Variants in CNTN4 observed in about 807,000 individuals in gnomAD.
The protein encoded by CNTN4 is contactin 4.
In CNTN4, 77 loss-of-function variants were observed where a neutral mutation model predicts 122.5. The observed-to-expected ratio is 0.63, with a 90% CI of 0.52 to 0.76. The LOEUF (loss-of-function observed/expected upper bound fraction) is 0.76, where lower values mean the gene tolerates loss of function less well. CNTN4 is among the 30% of genes least tolerant of loss of function. CNTN4 has a pLI of 0.00. For missense variants in CNTN4, 1,256 were observed against 1,259.1 expected, an observed-to-expected ratio of 1.00 and a Z score of 0.04; for synonymous variants, 512 against 447.0, an observed-to-expected ratio of 1.15 and a Z score of -1.83.
intron 2 of CNTN4, among the ~76,000 whole-genome samples, chr3:2,311,440 C>T (rs1223842774): frequency 6.6e-6 from 1 of 152,116 alleles, no homozygotes; most frequent in Non-Finnish European, 1.5e-5. Context: ...AAGAAACCTT[C>T]CACTGATACT....
intron 2 of CNTN4, among the ~76,000 whole-genome samples, chr3:2,196,238 G>T (rs1449024247): frequency 6.6e-6 from 1 of 152,196 alleles, no homozygotes; most frequent in African/African-American, 2.4e-5. Flanking sequence ...TGAGGTATGT[G>T]TGTGAAGTGC....
At chr3:2,237,515 A>G (rs973849798) in intron 2 of CNTN4, among the ~76,000 whole-genome samples, 1 of 152,172 alleles carries the variant, frequency 6.6e-6, no homozygotes, top group Non-Finnish European at 1.5e-5. Flanking sequence ...AGAAAGGTTT[A>G]GTGTAAAATC....
chr3:2,148,780 G>A (rs943039427), intron 2 of CNTN4, among the ~76,000 whole-genome samples: 2 of 152,028 alleles, frequency 1.3e-5, no homozygotes, highest in African/African-American at 4.8e-5. Flanking sequence ...TCCAATATGT[G>A]GCATTTATAT....
rs114154717 is a variant in CNTN4, at chr3:2,716,418, G to A, written c.56-19797G>A. On this transcript the variant is annotated intron_variant, in intron 4 of 24. Coordinates refer to ENST00000418658, the MANE Select transcript of CNTN4 (RefSeq NM_175607.3). ...AGATACTCTATGTAAAGCACATTGC[G>A]TAGTCCCTGTCTTAGTCAGCTAGAG... 3.3e-3 allele frequency among the ~76,000 whole-genome samples: 507 copies of A among 151,814 alleles called. 4 individuals carry two copies. The highest frequency in any genetic ancestry group is 0.012 in the African/African-American group (483 of 41,428).
At chr3:2,377,684 T>C (rs2045871647) in intron 3 of CNTN4, among the ~76,000 whole-genome samples, 1 of 152,228 alleles carries the variant, frequency 6.6e-6, no homozygotes, top group Non-Finnish European at 1.5e-5. Flanking sequence ...GTCCAACCTG[T>C]GACCTGTGGA....
intron 13 of CNTN4, among the ~76,000 whole-genome samples, chr3:2,946,765 G>A (rs1052608776): frequency 1.1e-4 from 16 of 146,078 alleles, no homozygotes; most frequent in Non-Finnish European, 1.6e-4. Flanking sequence ...ATGCAGTGGC[G>A]TGAACATGGC....
At chr3:2,426,017 G>A (rs138111569) in intron 3 of CNTN4, among the ~76,000 whole-genome samples, 1,741 of 152,204 alleles carry the variant, frequency 0.011, 15 homozygotes, top group Non-Finnish European at 0.019. Flanking sequence ...CTGCAAGCAG[G>A]GGCAATTTGA....
At chr3:2,529,189 G>C (rs1335290512) in intron 3 of CNTN4, among the ~76,000 whole-genome samples, 1 of 152,078 alleles carries the variant, frequency 6.6e-6, no homozygotes, top group Admixed American at 6.6e-5. Context: ...CTACACAGGA[G>C]TGAGAAGATG....
At chr3:2,152,851 A>G (rs530627765) in intron 2 of CNTN4, among the ~76,000 whole-genome samples, 17 of 152,276 alleles carry the variant, frequency 1.1e-4, no homozygotes, top group African/African-American at 3.9e-4. Flanking sequence ...CTTGTGATGC[A>G]GTCATTTTCA....
At chr3:2,964,326 T>C (rs1692079357) in intron 13 of CNTN4, among the ~76,000 whole-genome samples, 1 of 152,170 alleles carries the variant, frequency 6.6e-6, no homozygotes, top group Admixed American at 6.5e-5. Flanking sequence ...AGCAATTTAC[T>C]AGGGCCATCA....
intron 8 of CNTN4, among the ~76,000 whole-genome samples, chr3:2,881,515 GAA>G (rs1245876383): frequency 9.3e-5 from 10 of 107,704 alleles, no homozygotes; most frequent in South Asian, 3.0e-4. Context: ...TCAGTCTCAA[GAA>G]AAAAAAAAAA....
intron 2 of CNTN4, among the ~76,000 whole-genome samples, chr3:2,305,741 A>G (rs1207327442): frequency 6.6e-6 from 1 of 152,126 alleles, no homozygotes; most frequent in African/African-American, 2.4e-5. Flanking sequence ...AAATTCCATA[A>G]TATTTTCAAA....
intron 14 of CNTN4, chr3:2,988,811 C>T (rs117542417): frequency 5.6e-4 from 161 of 285,148 alleles, no homozygotes; most frequent in African/African-American, 3.5e-3. Flanking sequence ...GAACACTATT[C>T]CAACAAATTA....
intron 2 of CNTN4, among the ~76,000 whole-genome samples, chr3:2,295,927 A>G (rs2042294901): frequency 6.6e-6 from 1 of 152,176 alleles, no homozygotes; most frequent in Non-Finnish European, 1.5e-5. Flanking sequence ...CCATTTATTA[A>G]ATAGGGAATC....
intron 4 of CNTN4, among the ~76,000 whole-genome samples, chr3:2,706,710 TTC>T (rs1317034111): frequency 4.6e-5 from 7 of 152,158 alleles, no homozygotes; most frequent in Admixed American, 3.3e-4. Flanking sequence ...TAAAGAACAA[TTC>T]TCTTTTAACT....
chr3:2,572,290 G>A lies in CNTN4; in HGVS notation c.55+732G>A, dbSNP rs188508832. The stretch of plus-strand genomic sequence containing the variant: ...AATCCCAGCTACTCGGGGAGCTGAG[G>A]CAGGAGAATTGCTTGAACCCAGAAG... On this transcript the variant is annotated intron_variant, in intron 4 of 24. Transcript: ENST00000418658. Among the ~76,000 whole-genome samples, 892 of 152,286 alleles carry A rather than the reference G, an allele frequency of 5.9e-3. 4 individuals carry two copies. The highest frequency in any genetic ancestry group is 9.6e-3 in the Non-Finnish European group (653 of 68,028).
chr3:2,888,341 T>C (rs2094001320), intron 10 of CNTN4, among the ~76,000 whole-genome samples: 1 of 152,194 alleles, frequency 6.6e-6, no homozygotes, highest in African/African-American at 2.4e-5. Flanking sequence ...CCCTAAGGGC[T>C]AAACACAATC....
chr3:2,901,813 T>G (rs1257148593), intron 11 of CNTN4, among the ~76,000 whole-genome samples: 1 of 152,158 alleles, frequency 6.6e-6, no homozygotes, highest in Non-Finnish European at 1.5e-5. Context: ...GGGATGCAGC[T>G]GTGTGCAGGA....
Position 2,974,740 on chromosome 3 carries a change from A to C in CNTN4, c.1359-13605A>C, listed in dbSNP as rs148590651. 4.5e-3 allele frequency among the ~76,000 whole-genome samples: 689 copies of C among 152,264 alleles called. 15 individuals are homozygous for C. The highest frequency in any genetic ancestry group is 0.035 in the Admixed American group (532 of 15,284). On this transcript the variant is annotated intron_variant, in intron 13 of 24. Coordinates refer to ENST00000418658, the MANE Select transcript of CNTN4 (RefSeq NM_175607.3). ...GAGAGACCTTGGGGATTTTAACTGG[A>C]CCGTGACAGTGGTGTTCTATCATGA...
Sources: allele counts gnomAD v4.1 joint callset (sites outside exome capture counted in the v4.1 genomes callset), GRCh38; gene constraint gnomAD v4.1.1; transcripts MANE v1.5; gene names NCBI Gene and HGNC (gene_info 2026-07-23, HGNC 2026-07-21).